The following SPRY3 variants were observed in gnomAD, a reference collection of about 807,000 sequenced individuals.
SPRY3 encodes the protein sprouty RTK signaling antagonist 3.
SPRY3 carries 15 observed loss-of-function variants against 20.2 expected under a neutral mutation model. That is an observed-to-expected ratio of 0.74 (90% CI 0.50 to 1.14). The LOEUF is 1.14. SPRY3 is among the 50% of genes most tolerant of loss of function. The pLI is 0.00. For synonymous variants in SPRY3, 143 were observed against 136.5 expected, an observed-to-expected ratio of 1.05 and a Z score of -0.33; for missense variants, 364 against 363.9, an observed-to-expected ratio of 1.00 and a Z score of 0.00.
At chrX:155,749,107 C>T (rs2091245249) in intron 2 of SPRY3, among the ~76,000 whole-genome samples, 1 of 151,812 alleles carries the variant, frequency 6.6e-6, no homozygotes, top group African/African-American at 2.4e-5. Flanking sequence ...TACCTTGGAT[C>T]CATAAAATAA....
At chrX:155,718,497 C>G (rs2091036235) in intron 2 of SPRY3, among the ~76,000 whole-genome samples, 1 of 152,034 alleles carries the variant, frequency 6.6e-6, no homozygotes, top group African/African-American at 2.4e-5. Context: ...AGAAACATAC[C>G]TGTATGCCTG....
intron 2 of SPRY3, among the ~76,000 whole-genome samples, chrX:155,685,182 C>T (rs973702453): frequency 3.6e-5 from 4 of 111,505 alleles, no homozygotes; most frequent in Non-Finnish European, 7.5e-5. Context: ...ATTTTTTCAA[C>T]TCAGCACTTT....
At chrX:155,781,482 G>C (rs778914933), downstream of SPRY3, 83 of 167,132 alleles carry the variant, frequency 5.0e-4, 1 homozygote, top group Non-Finnish European at 9.4e-4. Context: ...GTGAGGCTAA[G>C]AGAGGGAAAG....
intron 1 of SPRY3, among the ~76,000 whole-genome samples, chrX:155,628,688 C>T (rs977972016): frequency 3.6e-5 from 4 of 111,943 alleles, no homozygotes; most frequent in Admixed American, 9.4e-5. Flanking sequence ...GCTGGCAAGG[C>T]TTTTTTAAAT....
intron 2 of SPRY3, among the ~76,000 whole-genome samples, chrX:155,738,097 C>T (rs769962311): frequency 3.2e-4 from 48 of 151,974 alleles, no homozygotes; most frequent in African/African-American, 1.2e-3. Context: ...TGGAAGTAAA[C>T]ATAGGATAAA....
chrX:155,650,911 A>T (rs1327887348), intron 1 of SPRY3, among the ~76,000 whole-genome samples: 3 of 111,800 alleles, frequency 2.7e-5, no homozygotes, highest in Non-Finnish European at 5.6e-5. Flanking sequence ...CATTTCTCTG[A>T]GATAAATTCT....
rs144852784 is a variant in SPRY3, at chrX:155,750,482, G to C, written c.-281-17480G>C. Among the ~76,000 whole-genome samples the C allele has an allele frequency of 4.2e-3, 634 of 151,914 alleles. 6 individuals carry two copies. Among genetic ancestry groups the C allele is most frequent in the African/African-American group, 0.014 (600 of 41,478 alleles). The stretch of plus-strand genomic sequence containing the variant: ...AAATATCACCAGAGGACATTGAGAT[G>C]AAATAAATAGTGAGATAGGAAAAGT... On this transcript the variant is annotated intron_variant, in intron 2 of 3. Coordinates refer to ENST00000675360, the Ensembl canonical transcript of SPRY3.
chrX:155,777,330 C>T (rs1430060339), downstream of SPRY3: 1 of 166,914 alleles, frequency 6.0e-6, no homozygotes, highest in African/African-American at 2.4e-5. Context: ...TCCTTGATAG[C>T]TCCTTGATAT....
chrX:155,747,596 C>T (rs779047862), intron 2 of SPRY3, among the ~76,000 whole-genome samples: 1 of 152,032 alleles, frequency 6.6e-6, no homozygotes, highest in East Asian at 1.9e-4. Flanking sequence ...ACCAGAAGTG[C>T]ATTCTCCTAT....
chrX:155,614,998 C>A (rs1217503177), intron 1 of SPRY3, among the ~76,000 whole-genome samples: 1 of 111,437 alleles, frequency 9.0e-6, no homozygotes, highest in Non-Finnish European at 1.9e-5. Flanking sequence ...TGCATTTGTC[C>A]CTCACTGTAC....
chrX:155,744,942 T>C (rs1231219959), intron 2 of SPRY3, among the ~76,000 whole-genome samples: 1 of 152,028 alleles, frequency 6.6e-6, no homozygotes, highest in Admixed American at 6.6e-5. Context: ...ATACTTAGAA[T>C]TGAGGAAGAA....
intron 2 of SPRY3, among the ~76,000 whole-genome samples, chrX:155,749,965 G>T (rs978744396): frequency 1.3e-5 from 2 of 151,772 alleles, no homozygotes; most frequent in Non-Finnish European, 2.9e-5. Context: ...GACTGCATGA[G>T]ATCAGCTAAG....
intron 3 of SPRY3, 130 bp from the exon 3 acceptor site, chrX:155,773,636 G>A (rs2091398122): frequency 3.5e-6 from 2 of 578,066 alleles, no homozygotes; most frequent in Non-Finnish European, 6.1e-6. Context: ...ACAGAATAAA[G>A]GTGTAGCATG....
At chrX:155,742,891 C>A (rs2091209993) in intron 2 of SPRY3, among the ~76,000 whole-genome samples, 1 of 152,068 alleles carries the variant, frequency 6.6e-6, no homozygotes, top group Non-Finnish European at 1.5e-5. Flanking sequence ...CTAGAAAGAT[C>A]TCAAATCAAC....
chrX:155,662,210 TG>T (rs1557353768), intron 2 of SPRY3, among the ~76,000 whole-genome samples: 1 of 111,357 alleles, frequency 9.0e-6, no homozygotes, highest in Non-Finnish European at 1.9e-5. Context: ...TGAGACTTTT[TG>T]TTTCCCCCCA....
chrX:155,745,776 G>A (rs189029395), intron 2 of SPRY3, among the ~76,000 whole-genome samples: 1 of 152,100 alleles, frequency 6.6e-6, no homozygotes, highest in African/African-American at 2.4e-5. Flanking sequence ...AGTAAGCACC[G>A]AATATACATT....
chrX:155,750,036 T>C (rs1208205485), intron 2 of SPRY3, among the ~76,000 whole-genome samples: 1 of 151,750 alleles, frequency 6.6e-6, no homozygotes, highest in African/African-American at 2.4e-5. Flanking sequence ...TACTTCAGTA[T>C]TTTGCAGTTG....
At chrX:155,740,518 G>A (rs2091198524) in intron 2 of SPRY3, among the ~76,000 whole-genome samples, 1 of 152,108 alleles carries the variant, frequency 6.6e-6, no homozygotes, top group Non-Finnish European at 1.5e-5. Context: ...GCCGCTCTGG[G>A]AGTGTCTGTC....
At position 155,749,615 on chromosome X, in the gene SPRY3, G is replaced by A. The variant is rs144826894; in HGVS notation, c.-281-18347G>A. Reference sequence around the variant, plus strand: ...GCAAGGACACCAGTTTGGCTTCAGTGGGCTGTGTGAGAAAGAGTGATAGAA... The same window carrying A: ...GCAAGGACACCAGTTTGGCTTCAGTAGGCTGTGTGAGAAAGAGTGATAGAA... On this transcript the variant is annotated intron_variant, in intron 2 of 3. Coordinates refer to ENST00000675360, the Ensembl canonical transcript of SPRY3. Among the ~76,000 whole-genome samples, 234 of 151,924 alleles carry A rather than the reference G, an allele frequency of 1.5e-3. 1 individual carries two copies. The highest frequency in any genetic ancestry group is 5.5e-3 in the African/African-American group (230 of 41,500).
Sources: gnomAD v4.1 joint callset for allele counts (sites outside exome capture counted in the v4.1 genomes callset) on GRCh38, gnomAD v4.1.1 for gene constraint, MANE v1.5 for transcripts, NCBI Gene and HGNC (gene_info 2026-07-23, HGNC 2026-07-21) for gene names.